The following UGT1A7 variants were observed in gnomAD, a reference collection of about 807,000 sequenced individuals.
The protein encoded by UGT1A7 is UDP glucuronosyltransferase family 1 member A7.
UGT1A7 carries 33 observed loss-of-function variants against 45.6 expected under a neutral mutation model. The ratio of observed to expected loss-of-function variants is 0.72; its 90% CI spans 0.55 to 0.97. The LOEUF is 0.97. Among genes scored for constraint, UGT1A7 ranks in the 50% least tolerant of loss-of-function variants. The probability of loss-of-function intolerance (pLI) is 0.00; values close to 1 mark genes in which losing one functional copy is unlikely to be tolerated. For missense variants in UGT1A7, 684 were observed against 666.2 expected (o/e 1.03, Z -0.29); for synonymous variants, 274 against 250.6 (o/e 1.09, Z -0.88).
At chr2:233,749,358 A>G (rs1263480064) in intron 1 of UGT1A7, among the ~76,000 whole-genome samples, 1 of 151,706 alleles carries the variant, frequency 6.6e-6, no homozygotes, top group Non-Finnish European at 1.5e-5. Context: ...TTAAATAGTG[A>G]CTCTTGCCCT....
intron 1 of UGT1A7, chr2:233,693,818 G>C (rs766165182): frequency 2.5e-6 from 4 of 1,614,200 alleles, no homozygotes; most frequent in Non-Finnish European, 3.4e-6. Flanking sequence ...GCCCAACATG[G>C]TCTTCATTGG....
At chr2:233,752,930 C>G (rs1695091959) in intron 1 of UGT1A7, among the ~76,000 whole-genome samples, 1 of 152,236 alleles carries the variant, frequency 6.6e-6, no homozygotes, top group South Asian at 2.1e-4. Context: ...TGGTATGCCA[C>G]TCTTTGCTGA....
intron 1 of UGT1A7, chr2:233,748,227 A>C (rs1693897590): frequency 1.4e-6 from 2 of 1,423,074 alleles, no homozygotes; most frequent in African/African-American, 2.9e-5. Context: ...ATAAACTGTT[A>C]AGGGGTCTCT....
In UGT1A7 at chr2:233,739,254, G is replaced by T. The variant is rs1485037127; in HGVS notation, c.856-27780G>T. Among the ~76,000 whole-genome samples, 4 of 152,216 alleles carry T rather than the reference G, an allele frequency of 2.6e-5. No homozygotes were observed. In the East Asian group the frequency reaches 7.7e-4, roughly 29 times the overall value. ...ACCTCTGCTAGAGAAGGGTGGTAAA[G>T]AAATGTGAGGTTGGAGCCCCCACAC... On this transcript the variant is annotated intron_variant, in intron 1 of 4. Transcript: ENST00000373426.
intron 1 of UGT1A7, among the ~76,000 whole-genome samples, chr2:233,709,269 C>T (rs2076069252): frequency 1.3e-5 from 2 of 152,136 alleles, no homozygotes; most frequent in Non-Finnish European, 2.9e-5. Flanking sequence ...CTTGTCCACG[C>T]TGTGAATTAC....
intron 2 of UGT1A7, 150 bp from the exon 3 acceptor site, chr2:233,767,699 A>G: frequency 1.3e-6 from 2 of 1,502,404 alleles, no homozygotes; most frequent in Non-Finnish European, 1.8e-6. Context: ...GGAAGTTGCC[A>G]GTCCTCAGAA....
intron 1 of UGT1A7, among the ~76,000 whole-genome samples, chr2:233,703,596 T>C (rs2075744943): frequency 6.6e-6 from 1 of 152,180 alleles, no homozygotes. Flanking sequence ...TGCTTCATGA[T>C]ACTGTGTCAT....
chr2:233,729,561 C>A (rs760200392), intron 1 of UGT1A7: 3 of 1,614,102 alleles, frequency 1.9e-6, no homozygotes, highest in Non-Finnish European at 2.5e-6. Flanking sequence ...ATGCTACTTC[C>A]TTTGATGTGG....
At chr2:233,729,824 G>C in intron 1 of UGT1A7, 1 of 1,613,884 alleles carries the variant, frequency 6.2e-7, no homozygotes, top group South Asian at 1.1e-5. Flanking sequence ...CCTTATGCAA[G>C]CCTTGCCTCT....
intron 1 of UGT1A7, chr2:233,721,885 A>G: frequency 2.0e-6 from 1 of 488,602 alleles, no homozygotes; most frequent in South Asian, 1.5e-5. Context: ...CAGCCCCTCC[A>G]TTGCAATATC....
chr2:233,756,137 T>C (rs776575222), intron 1 of UGT1A7: 2 of 152,178 alleles, frequency 1.3e-5, no homozygotes, highest in Non-Finnish European at 2.9e-5. Context: ...TCCTGAAAAA[T>C]TACTGGGGAT....
rs372029333 is a variant in UGT1A7 at position 233,691,097 on chromosome 2, C to T, written c.855+8305C>T. On this transcript the variant is annotated intron_variant, in intron 1 of 4. Coordinates refer to ENST00000373426, the MANE Select transcript of UGT1A7 (RefSeq NM_019077.3). Reference sequence around the variant, plus strand: ...TGAAGTTTGTAGCATCTCTTGATCCCGCTATTCCTACATGCTTGCTTAAGC... The same window carrying T: ...TGAAGTTTGTAGCATCTCTTGATCCTGCTATTCCTACATGCTTGCTTAAGC... 6.7e-5 allele frequency: 66 copies of T among 986,082 alleles called. No individual in the cohort carries two copies. In the East Asian group the frequency reaches 2.2e-3, roughly 32 times the overall value. The allele number at this position is 986,082 out of a possible 1,614,324, so 61.1% of individuals were successfully genotyped here.
intron 1 of UGT1A7, chr2:233,729,871 C>T: frequency 6.2e-7 from 1 of 1,613,870 alleles, no homozygotes; most frequent in Non-Finnish European, 8.5e-7. Flanking sequence ...GGTGGATATT[C>T]TCAGTCATGC....
At chr2:233,740,769 G>A (rs1277809292) in intron 1 of UGT1A7, 1 of 151,756 alleles carries the variant, frequency 6.6e-6, no homozygotes, top group African/African-American at 2.4e-5. Flanking sequence ...TCAAACCGTT[G>A]TATAAAAGAT....
At position 233,772,561 on chromosome 2, in the gene UGT1A7, A is replaced by C. The variant is rs1287050195; in HGVS notation, c.*2A>C. On this transcript the variant is annotated 3_prime_UTR_variant, in exon 5 of 5. Transcript: ENST00000373426. ...GCCCACAAATCCAAGACCCATTGAG[A>C]AGTGGGTGGGAAATAAGGTAAAATT... The C allele has an allele frequency of 1.2e-6, 2 of 1,613,586 alleles. No individual in the cohort carries two copies. Among genetic ancestry groups the C allele is most frequent in the Non-Finnish European group, 1.7e-6 (2 of 1,179,766 alleles).
At chr2:233,747,501 A>G in intron 1 of UGT1A7, 1 of 1,608,354 alleles carries the variant, frequency 6.2e-7, no homozygotes, top group East Asian at 2.2e-5. Context: ...GCTGGGCCAC[A>G]CTCAACTGTA....
chr2:233,758,519 G>T (rs1221365461), intron 1 of UGT1A7, among the ~76,000 whole-genome samples: 1 of 152,226 alleles, frequency 6.6e-6, no homozygotes. Context: ...ACAACAAAGA[G>T]TGAAAGCATT....
intron 1 of UGT1A7, among the ~76,000 whole-genome samples, chr2:233,749,044 C>T (rs1240324138): frequency 6.6e-6 from 1 of 151,716 alleles, no homozygotes. Context: ...TGATGTGGTA[C>T]TCTGGGACCT....
At chr2:233,722,254 C>T (rs12479208) in intron 1 of UGT1A7, among the ~76,000 whole-genome samples, 12,149 of 152,210 alleles carry the variant, frequency 0.08, 621 homozygotes, top group East Asian at 0.2. Flanking sequence ...GTGACAGACA[C>T]GCCATTATCA....
Sources: allele counts gnomAD v4.1 joint callset (sites outside exome capture counted in the v4.1 genomes callset), GRCh38; gene constraint gnomAD v4.1.1; transcripts MANE v1.5; gene names NCBI Gene and HGNC (gene_info 2026-07-23, HGNC 2026-07-21).